The following MEIS1 variants were observed in gnomAD, a reference collection of about 807,000 sequenced individuals.
MEIS1 encodes homeobox protein Meis1.
Under a neutral mutation model 50.8 loss-of-function variants are expected in MEIS1, and 5 were observed. The observed-to-expected ratio is 0.10, with a 90% CI of 0.05 to 0.21. MEIS1 has a LOEUF of 0.21. MEIS1 is among the 10% of genes least tolerant of loss of function. The pLI, the probability that MEIS1 is intolerant of heterozygous loss-of-function variation, is 1.00. For missense variants in MEIS1, 318 were observed against 517.3 expected (o/e 0.61, Z 3.74); for synonymous variants, 176 against 179.3 (o/e 0.98, Z 0.15).
At chr2:66,458,024 C>T (rs1184923925) in intron 6 of MEIS1, among the ~76,000 whole-genome samples, 5 of 152,126 alleles carry the variant, frequency 3.3e-5, no homozygotes, top group South Asian at 2.1e-4. Flanking sequence ...AGACTGACTT[C>T]GAATTTTGTA....
chr2:66,442,828 G>C (rs985346721), intron 5 of MEIS1, 74 bp from the exon 6 acceptor site: 1 of 1,383,180 alleles, frequency 7.2e-7, no homozygotes, highest in African/African-American at 1.5e-5. Context: ...CACAAGGGGG[G>C]TGGATTGCAC....
At chr2:66,465,092 A>G (rs1672603045) in intron 7 of MEIS1, among the ~76,000 whole-genome samples, 1 of 152,282 alleles carries the variant, frequency 6.6e-6, no homozygotes, top group East Asian at 1.9e-4. Context: ...ATCATGTTTC[A>G]CTGGAGTGCT....
intron 8 of MEIS1, among the ~76,000 whole-genome samples, chr2:66,525,383 G>A (rs1674225269): frequency 6.6e-6 from 1 of 152,150 alleles, no homozygotes; most frequent in Admixed American, 6.5e-5. Context: ...GGTGCTGCTG[G>A]TCCACAGACT....
chr2:66,485,809 G>T (rs1453382822), intron 7 of MEIS1, among the ~76,000 whole-genome samples: 1 of 152,142 alleles, frequency 6.6e-6, no homozygotes, highest in Non-Finnish European at 1.5e-5. Flanking sequence ...GTGTGAGGTG[G>T]TATCTCACTG....
At chr2:66,506,282 AC>A (rs1259331358) in intron 7 of MEIS1, among the ~76,000 whole-genome samples, 1 of 152,122 alleles carries the variant, frequency 6.6e-6, no homozygotes, top group East Asian at 1.9e-4. Flanking sequence ...TCCAGCAAAT[AC>A]CTCTTAGAGG....
At chr2:66,549,274 A>G (rs1365335340) in intron 9 of MEIS1, among the ~76,000 whole-genome samples, 1 of 152,108 alleles carries the variant, frequency 6.6e-6, no homozygotes, top group Non-Finnish European at 1.5e-5. Context: ...TGTAAGGGTT[A>G]TCAATTTCTA....
intron 7 of MEIS1, among the ~76,000 whole-genome samples, chr2:66,474,176 C>T (rs1277231077): frequency 1.3e-5 from 2 of 152,030 alleles, no homozygotes; most frequent in African/African-American, 2.4e-5. Flanking sequence ...GACCTTAAAT[C>T]ATGCCATCCA....
chr2:66,538,503 G>C (rs1674572700), intron 8 of MEIS1, among the ~76,000 whole-genome samples: 1 of 152,196 alleles, frequency 6.6e-6, no homozygotes. Flanking sequence ...ATAATTGTTG[G>C]AATGGAGCTG....
At chr2:66,503,216 A>G (rs1673599253) in intron 7 of MEIS1, among the ~76,000 whole-genome samples, 1 of 152,166 alleles carries the variant, frequency 6.6e-6, no homozygotes, top group Non-Finnish European at 1.5e-5. Flanking sequence ...GACCCCATAG[A>G]TACTTATGAC....
chr2:66,545,832 T>C (rs2103926004), intron 8 of MEIS1, among the ~76,000 whole-genome samples: 1 of 152,350 alleles, frequency 6.6e-6, no homozygotes, highest in African/African-American at 2.4e-5. Context: ...TATACCTTCA[T>C]TTGAAGAAAG....
intron 6 of MEIS1, among the ~76,000 whole-genome samples, chr2:66,461,037 A>C (rs1672506182): frequency 6.6e-6 from 1 of 152,156 alleles, no homozygotes; most frequent in Admixed American, 6.5e-5. Flanking sequence ...CTGAAATTAT[A>C]TACATTGAAG....
At chr2:66,527,624 G>A (rs1458680876) in intron 8 of MEIS1, among the ~76,000 whole-genome samples, 2 of 151,500 alleles carry the variant, frequency 1.3e-5, no homozygotes, top group South Asian at 2.1e-4. Flanking sequence ...GTGTGTGTGT[G>A]TGTGTGTGTG....
intron 9 of MEIS1, among the ~76,000 whole-genome samples, chr2:66,554,845 T>C (rs1675015297): frequency 6.6e-6 from 1 of 152,204 alleles, no homozygotes; most frequent in Admixed American, 6.5e-5. Context: ...TTTCCTCATC[T>C]TACATAAGCA....
chr2:66,522,178 A>C (rs62144055), intron 8 of MEIS1, among the ~76,000 whole-genome samples: 36,272 of 152,166 alleles, frequency 0.24, 5,201 homozygotes, highest in Non-Finnish European at 0.33. Flanking sequence ...GAAATATGGC[A>C]TGCCATTTGT....
intron 7 of MEIS1, among the ~76,000 whole-genome samples, chr2:66,474,832 G>A (rs1054521170): frequency 6.6e-5 from 10 of 152,114 alleles, no homozygotes; most frequent in African/African-American, 2.4e-4. Context: ...GAAGACAGCA[G>A]AACTTCCTGT....
chr2:66,461,987 C>A, intron 6 of MEIS1: 1 of 423,326 alleles, frequency 2.4e-6, no homozygotes, highest in Non-Finnish European at 4.8e-6. Flanking sequence ...ATTGAATTTA[C>A]TAAACAATTA....
intron 7 of MEIS1, among the ~76,000 whole-genome samples, chr2:66,502,892 C>A (rs1673591476): frequency 6.6e-6 from 1 of 152,194 alleles, no homozygotes; most frequent in South Asian, 2.1e-4. Flanking sequence ...TCAGTTGGAG[C>A]TTTATTCACT....
intron 7 of MEIS1, among the ~76,000 whole-genome samples, chr2:66,477,077 A>G (rs768193208): frequency 5.3e-5 from 8 of 152,178 alleles, no homozygotes; most frequent in South Asian, 4.1e-4. Flanking sequence ...TCTTAAGCCC[A>G]TATTTGTCAT....
At position 66,547,975 on chromosome 2, in the gene MEIS1, G is replaced by A; in HGVS notation, c.921G>A (p.Gln307=). 1.2e-6 allele frequency: 2 copies of A among 1,613,114 alleles called. No homozygotes were observed. The highest frequency in any genetic ancestry group is 3.3e-5 in the Admixed American group (2 of 59,946). ...ACCCTTCTGAAGAACAGAAAAAGCAGTTGGCACAAGACACGGGACTCACCA... is the reference window on the plus strand; with the variant it reads ...ACCCTTCTGAAGAACAGAAAAAGCAATTGGCACAAGACACGGGACTCACCA... ...HPYPSEEQKK[Q]LAQDTGLTIL... is the part of the protein sequence containing the mutation. The change falls in exon 9 of 13, where the codon CAG becomes CAA. Residue 307 remains glutamine, a synonymous_variant. Transcript: ENST00000272369.
Sources: gnomAD v4.1 joint callset for allele counts (sites outside exome capture counted in the v4.1 genomes callset) on GRCh38, gnomAD v4.1.1 for gene constraint, MANE v1.5 for transcripts, NCBI Gene and HGNC (gene_info 2026-07-23, HGNC 2026-07-21) for gene names.